LGALS4: variants seen among roughly 807,000 people sequenced by gnomAD.
The protein encoded by LGALS4 is galectin-4.
LGALS4 carries 37 observed loss-of-function variants against 39.6 expected under a neutral mutation model. The observed-to-expected ratio is 0.93, with a 90% CI of 0.72 to 1.23. LGALS4 has a LOEUF of 1.23. Ranked by LOEUF, LGALS4 falls within the 50% of genes most tolerant of loss-of-function variation. LGALS4 has a pLI of 0.00. For synonymous variants in LGALS4, 160 were observed against 165.5 expected (o/e 0.97, Z 0.25); for missense variants, 397 against 433.2 (o/e 0.92, Z 0.74).
Position 38,802,381 on chromosome 19 carries a change from C to T in LGALS4, c.594G>A (p.Leu198=), listed in dbSNP as rs1971367526. The stretch of plus-strand genomic sequence containing the variant: ...TTCTTCGAGCTGTGAGCCCTCCTTG[C>T]AGCCTCCCGAAATATGGCACAGGCT... ...FNPPVPYFGR[L]QGGLTARRTI... is the part of the protein sequence containing the mutation. Residue 198 remains leucine (L), a synonymous_variant, in exon 8 of 10, where the codon CTG becomes CTA. Transcript: ENST00000307751. 1 of 1,614,224 alleles carries T rather than the reference C, an allele frequency of 6.2e-7. No individual in the cohort carries two copies. The highest frequency in any genetic ancestry group is 8.5e-7 in the Non-Finnish European group (1 of 1,180,022).
intron 8 of LGALS4, 28 bp from the exon 9 acceptor site, chr19:38,802,185 A>G: frequency 6.2e-7 from 1 of 1,611,300 alleles, no homozygotes; most frequent in East Asian, 2.2e-5. Context: ...TGGGGGAGTC[A>G]GATGGAGTCC....
intron 3 of LGALS4, among the ~76,000 whole-genome samples, chr19:38,808,416 G>C (rs142942401): frequency 0.011 from 1,602 of 152,022 alleles, 21 homozygotes; most frequent in African/African-American, 0.037. Context: ...CTGAGGTCGG[G>C]AGTTCGAGGC....
At chr19:38,803,077 C>T (rs113214160) in intron 7 of LGALS4, 2 of 141,524 alleles carry the variant, frequency 1.4e-5, no homozygotes, top group East Asian at 2.1e-4. Context: ...TACTGTGGCA[C>T]GATCCCGGCT....
intron 3 of LGALS4, among the ~76,000 whole-genome samples, chr19:38,807,695 TGTG>T (rs1971438702): frequency 6.6e-6 from 1 of 151,424 alleles, no homozygotes; most frequent in African/African-American, 2.4e-5. Context: ...AAGGGGGAAA[TGTG>T]GGGAAAAGAA....
intron 7 of LGALS4, chr19:38,803,265 C>A: frequency 3.5e-6 from 2 of 571,258 alleles, no homozygotes. Context: ...GATCTGTCCG[C>A]CTTGGCATCC....
At chr19:38,802,496 G>A in intron 7 of LGALS4, 92 bp from the exon 8 acceptor site, 1 of 1,006,986 alleles carries the variant, frequency 9.9e-7, no homozygotes, top group Non-Finnish European at 1.5e-6. Flanking sequence ...TTTCTTTCCT[G>A]TCTTTTTTTC....
chr19:38,808,748 T>C lies in LGALS4; in HGVS notation c.335A>G (p.Tyr112Cys). The C allele has an allele frequency of 6.2e-7, 1 of 1,613,838 alleles. No homozygotes were observed. Reference protein sequence around the residue: ...ELVFIVLAEHYKVVVNGNPFY... With the variant: ...ELVFIVLAEHCKVVVNGNPFY... ...CAAGAGAGAAAGCATGCAGACCTTG[T>C]AGTGCTCAGCCAGGACTATGAAGAC... The change falls in exon 3 of 10, where the codon TAC becomes TGC. Residue 112 changes from tyrosine (Y) to cysteine (C), a missense_variant. Physicochemically the swap from Tyr to Cys is radical, Grantham distance 194 (BLOSUM62 -2). Transcript: ENST00000307751.
chr19:38,812,624 A>G (rs1971508127), intron 1 of LGALS4, 105 bp from the exon 2 acceptor site: 1 of 1,098,654 alleles, frequency 9.1e-7, no homozygotes, highest in Admixed American at 1.9e-5. Flanking sequence ...AGAGGAAACC[A>G]TGGGGGAGGA....
intron 2 of LGALS4, among the ~76,000 whole-genome samples, chr19:38,810,091 G>A (rs958219638): frequency 6.6e-6 from 1 of 152,148 alleles, no homozygotes; most frequent in African/African-American, 2.4e-5. Flanking sequence ...CTGTCCCTGG[G>A]GATCCCTCTC....
chr19:38,810,685 C>G (rs1971482923), intron 2 of LGALS4, among the ~76,000 whole-genome samples: 1 of 151,538 alleles, frequency 6.6e-6, no homozygotes, highest in South Asian at 2.1e-4. Context: ...CCATTTTGGC[C>G]AGGCTAGTCT....
chr19:38,812,923 G>A lies in LGALS4; in HGVS notation c.-37C>T, dbSNP rs1308630467. Reference sequence around the variant, plus strand: ...GCGCTAGTGGCTGGTCCTGTGAGAAGAGCTGCAGGAGTGGGAGATGGTGGC... The same window carrying A: ...GCGCTAGTGGCTGGTCCTGTGAGAAAAGCTGCAGGAGTGGGAGATGGTGGC... On this transcript the variant is annotated 5_prime_UTR_variant, in exon 1 of 10. Coordinates refer to ENST00000307751, the MANE Select transcript of LGALS4 (RefSeq NM_006149.4). The A allele has an allele frequency of 6.3e-7, 1 of 1,599,098 alleles. No homozygotes were observed. The highest frequency in any genetic ancestry group is 1.1e-5 in the South Asian group (1 of 90,860).
At position 38,803,489 on chromosome 19, in the gene LGALS4, C is replaced by A. The variant is rs756110162; in HGVS notation, c.570+33G>T. 2.5e-6 allele frequency: 4 copies of A among 1,611,254 alleles called. No individual in the cohort carries two copies. In the South Asian group the frequency reaches 4.4e-5, roughly 18 times the overall value. ...ATTCCCTGGAGATCCGTGCCCCCTC[C>A]CCACCATCCATCTCTGTTTCCCCAA... On this transcript the variant is annotated intron_variant, in intron 7 of 9. Coordinates refer to ENST00000307751, the MANE Select transcript of LGALS4 (RefSeq NM_006149.4).
intron 2 of LGALS4, among the ~76,000 whole-genome samples, chr19:38,811,085 G>C (rs745839726): frequency 5.3e-5 from 8 of 151,568 alleles, no homozygotes; most frequent in Non-Finnish European, 1.2e-4. Context: ...ATTTTTAGTA[G>C]AGACAGGGTT....
chr19:38,806,242 C>T (rs112119839), intron 4 of LGALS4, among the ~76,000 whole-genome samples: 3 of 151,852 alleles, frequency 2.0e-5, no homozygotes, highest in Non-Finnish European at 1.5e-5. Context: ...GTGGCAGGCT[C>T]CTGTAGTCCC....
At position 38,804,037 on chromosome 19, in the gene LGALS4, T is replaced by A. The variant is rs373067508; in HGVS notation, c.475-142A>T. 1.2e-4 allele frequency: 117 copies of A among 937,956 alleles called. No homozygotes were observed. In the East Asian group the frequency reaches 1.5e-3, roughly 12 times the overall value. The allele number at this position is 937,956 out of a possible 1,614,324, so 58.1% of individuals were successfully genotyped here. A position where few individuals can be genotyped will look rare whatever the true frequency, so the allele number is the denominator to read the frequency against. On this transcript the variant is annotated intron_variant, in intron 4 of 9. Transcript: ENST00000307751. ...CTGGCATCAAAGGGTGGCACCCCGA[T>A]CACAGATTCACGGAGAGGGGCACCC... is the stretch of plus-strand genomic sequence containing the variant.
At chr19:38,805,166 A>T (rs866514170) in intron 4 of LGALS4, among the ~76,000 whole-genome samples, 1 of 121,108 alleles carries the variant, frequency 8.3e-6, no homozygotes, top group Admixed American at 8.0e-5. Context: ...CCTGCCTCAA[A>T]AATAATAATA....
chr19:38,806,183 C>T (rs529321969), intron 4 of LGALS4, among the ~76,000 whole-genome samples: 6 of 151,922 alleles, frequency 3.9e-5, no homozygotes, highest in African/African-American at 1.2e-4. Context: ...TTGGCTAACA[C>T]AGTGAAACCC....
At chr19:38,812,547 C>T (rs775474209) in intron 1 of LGALS4, 28 bp from the exon 2 acceptor site, 2 of 1,598,978 alleles carry the variant, frequency 1.3e-6, no homozygotes, top group Non-Finnish European at 1.7e-6. Flanking sequence ...TGAGGGGACT[C>T]ACAAGCCATC....
intron 2 of LGALS4, among the ~76,000 whole-genome samples, chr19:38,811,225 T>C (rs1352834289): frequency 6.6e-6 from 1 of 152,058 alleles, no homozygotes; most frequent in Non-Finnish European, 1.5e-5. Context: ...ATGTTTCCCC[T>C]ACTAGGACAT....
Sources: gnomAD v4.1 joint callset for allele counts (sites outside exome capture counted in the v4.1 genomes callset) on GRCh38, gnomAD v4.1.1 for gene constraint, MANE v1.5 for transcripts, NCBI Gene and HGNC (gene_info 2026-07-23, HGNC 2026-07-21) for gene names.